FAM120A: variants seen among roughly 807,000 people sequenced by gnomAD.
The protein encoded by FAM120A is family with sequence similarity 120 member A.
A neutral mutation model predicts 109.7 loss-of-function variants in FAM120A; 15 were observed. The observed-to-expected ratio is 0.14, with a 90% CI of 0.09 to 0.21. FAM120A has a LOEUF of 0.21. Among genes scored for constraint, FAM120A ranks in the 10% least tolerant of loss-of-function variants. The pLI is 1.00. For missense variants in FAM120A, 899 were observed against 1,439.3 expected, an observed-to-expected ratio of 0.62 and a Z score of 6.07; for synonymous variants, 493 against 572.8, an observed-to-expected ratio of 0.86 and a Z score of 1.99.
intron 1 of FAM120A, among the ~76,000 whole-genome samples, chr9:93,460,710 C>T (rs1024554965): frequency 1.3e-5 from 2 of 152,052 alleles, no homozygotes; most frequent in Non-Finnish European, 2.9e-5. Context: ...GCTCTTAGAG[C>T]GATGCTTGGT....
chr9:93,553,249 A>G (rs1214016031), intron 12 of FAM120A, among the ~76,000 whole-genome samples: 1 of 152,210 alleles, frequency 6.6e-6, no homozygotes, highest in Non-Finnish European at 1.5e-5. Context: ...AAGGATGAGA[A>G]GGAACTTTGT....
intron 1 of FAM120A, among the ~76,000 whole-genome samples, chr9:93,461,312 A>G (rs930458069): frequency 5.3e-5 from 8 of 152,188 alleles, no homozygotes; most frequent in Non-Finnish European, 1.2e-4. Context: ...TCTGAGGTAG[A>G]GCACATTTAT....
intron 8 of FAM120A, among the ~76,000 whole-genome samples, chr9:93,527,573 C>T (rs938667616): frequency 6.6e-6 from 1 of 151,364 alleles, no homozygotes; most frequent in South Asian, 2.1e-4. Flanking sequence ...CTCCCCCACC[C>T]CCCTTTTTTC....
chr9:93,513,242 C>T (rs1336737467), intron 5 of FAM120A, among the ~76,000 whole-genome samples: 1 of 152,200 alleles, frequency 6.6e-6, no homozygotes, highest in Non-Finnish European at 1.5e-5. Context: ...CGACTTTGAT[C>T]GCACACGTGG....
rs562934091 is a variant in FAM120A at position 93,514,132 on chromosome 9, G to A, written c.1031-1535G>A. Among the ~76,000 whole-genome samples, 29 of 152,298 alleles carry A rather than the reference G, an allele frequency of 1.9e-4. No individual in the cohort carries two copies. In the East Asian group the frequency reaches 5.0e-3, roughly 26 times the overall value. On this transcript the variant is annotated intron_variant, in intron 5 of 17. Coordinates refer to ENST00000277165, the MANE Select transcript of FAM120A (RefSeq NM_014612.5). The stretch of plus-strand genomic sequence containing the variant: ...TGGCAGAAGTTGAAGGGGAAGCAAG[G>A]CACCTTCTTAACAAGGCAGCGGTAA...
intron 2 of FAM120A, among the ~76,000 whole-genome samples, chr9:93,472,695 A>T (rs1858361146): frequency 6.6e-6 from 1 of 152,260 alleles, no homozygotes. Flanking sequence ...ATTCCAAAAC[A>T]GTTTTACACA....
intron 10 of FAM120A, 146 bp from the exon 11 acceptor site, chr9:93,543,076 T>A: frequency 1.0e-6 from 1 of 954,246 alleles, no homozygotes; most frequent in Non-Finnish European, 1.6e-6. Context: ...AAGGACTTGA[T>A]GATTGGTAGT....
intron 1 of FAM120A, among the ~76,000 whole-genome samples, chr9:93,466,977 C>G (rs1858052698): frequency 6.6e-6 from 1 of 152,170 alleles, no homozygotes. Context: ...CAGGCAGTTC[C>G]TTTTCCCCAA....
intron 3 of FAM120A, among the ~76,000 whole-genome samples, chr9:93,478,771 C>T (rs1013735835): frequency 5.3e-5 from 8 of 152,232 alleles, no homozygotes; most frequent in South Asian, 2.1e-4. Flanking sequence ...CCACAGCACC[C>T]GGCTCACTTT....
At position 93,467,255 on chromosome 9, in the gene FAM120A, C is replaced by T. The variant is rs370648817; in HGVS notation, c.475-3886C>T. Among the ~76,000 whole-genome samples, 16 of 113,212 alleles carry T rather than the reference C, an allele frequency of 1.4e-4. 3 individuals carry two copies. The East Asian group carries it at 3.7e-3, about 26-fold the overall frequency. The allele number at this position is 113,212 out of a possible 152,430, so 74.3% of individuals were successfully genotyped here. A position where few individuals can be genotyped will look rare whatever the true frequency, so the allele number is the denominator to read the frequency against. On this transcript the variant is annotated intron_variant, in intron 1 of 17. Transcript: ENST00000277165. ...TGCCAGATCTGCTGTCACCCCCCCC[C>T]CCCTTTTCCCCCATTGAATAACTGT...
At chr9:93,540,145 C>A (rs1234158335) in intron 10 of FAM120A, among the ~76,000 whole-genome samples, 2 of 152,180 alleles carry the variant, frequency 1.3e-5, no homozygotes, top group African/African-American at 4.8e-5. Context: ...CAAGGAGACC[C>A]TCCCTCTCAG....
At chr9:93,528,964 C>T (rs968798382) in intron 8 of FAM120A, among the ~76,000 whole-genome samples, 5 of 151,984 alleles carry the variant, frequency 3.3e-5, no homozygotes, top group East Asian at 1.9e-4. Flanking sequence ...GGCAAAGTCT[C>T]GAGAAAACAG....
chr9:93,474,976 G>T (rs1162320904), intron 2 of FAM120A, among the ~76,000 whole-genome samples: 3 of 152,170 alleles, frequency 2.0e-5, no homozygotes, highest in Non-Finnish European at 2.9e-5. Context: ...AGCAGTTACG[G>T]TTCAGATTTG....
intron 15 of FAM120A, among the ~76,000 whole-genome samples, chr9:93,560,130 C>A (rs1276838061): frequency 1.3e-5 from 2 of 151,930 alleles, no homozygotes; most frequent in Non-Finnish European, 2.9e-5. Flanking sequence ...CCTGCCTCTA[C>A]AAAAAATTTT....
At chr9:93,468,038 C>T (rs1045849836) in intron 1 of FAM120A, among the ~76,000 whole-genome samples, 10 of 152,150 alleles carry the variant, frequency 6.6e-5, no homozygotes, top group South Asian at 2.1e-4. Flanking sequence ...CCCGCCACCA[C>T]GCCTGGCTAA....
At chr9:93,555,535 G>T (rs1159149640) in intron 12 of FAM120A, among the ~76,000 whole-genome samples, 1 of 152,180 alleles carries the variant, frequency 6.6e-6, no homozygotes, top group African/African-American at 2.4e-5. Context: ...AAAGTCGGAA[G>T]ACAAAAGCCA....
intron 10 of FAM120A, among the ~76,000 whole-genome samples, chr9:93,538,400 G>A (rs3813387): frequency 0.28 from 42,437 of 152,052 alleles, 6,991 homozygotes; most frequent in East Asian, 0.42. Flanking sequence ...AACAGTCTTC[G>A]TTGTATCCAT....
chr9:93,538,756 A>G (rs1461878421), intron 10 of FAM120A, among the ~76,000 whole-genome samples: 1 of 152,244 alleles, frequency 6.6e-6, no homozygotes, highest in Non-Finnish European at 1.5e-5. Flanking sequence ...AACCATGTAT[A>G]TTATTCCTGG....
At position 93,452,626 on chromosome 9, in the gene FAM120A, G is replaced by A; in HGVS notation, c.474+237G>A. ...TGTTCGGGGTCCGCGGCCGCGTGGG[G>A]ACACTTGAGGGCTGGGAGAGAGCCC... On this transcript the variant is annotated intron_variant, in intron 1 of 17. Transcript: ENST00000277165. The surrounding 1 kb of genome is among the most constrained non-coding windows in gnomAD (Gnocchi z 7.0). 1 of 1,599,270 alleles carries A rather than the reference G, an allele frequency of 6.3e-7. No homozygotes were observed. The highest frequency in any genetic ancestry group is 8.5e-7 in the Non-Finnish European group (1 of 1,179,894).
Sources: gnomAD v4.1 joint callset for allele counts (sites outside exome capture counted in the v4.1 genomes callset) on GRCh38, gnomAD v4.1.1 for gene constraint, Gnocchi (gnomAD v3.1) non-coding constraint, MANE v1.5 for transcripts, NCBI Gene and HGNC (gene_info 2026-07-23, HGNC 2026-07-21) for gene names.